Variants in CDH4 observed in about 807,000 individuals in gnomAD.
CDH4 encodes cadherin-4.
In CDH4, 33 loss-of-function variants were observed where a neutral mutation model predicts 86.0. The observed-to-expected ratio is 0.38, with a 90% CI of 0.29 to 0.51. The LOEUF is 0.51. Among genes scored for constraint, CDH4 ranks in the 20% least tolerant of loss-of-function variants. The pLI, the probability that CDH4 is intolerant of heterozygous loss-of-function variation, is 0.86. For synonymous variants in CDH4, 555 were observed against 549.4 expected, an observed-to-expected ratio of 1.01 and a Z score of -0.14; for missense variants, 1,114 against 1,307.4, an observed-to-expected ratio of 0.85 and a Z score of 2.28.
At chr20:61,846,630 TAAAG>T (rs938263130) in intron 5 of CDH4, among the ~76,000 whole-genome samples, 6 of 151,474 alleles carry the variant, frequency 4.0e-5, no homozygotes, top group African/African-American at 1.5e-4. Context: ...GAGACAGAAA[TAAAG>T]AGAGAGACTG....
At chr20:61,352,820 A>G (rs751498214) in intron 2 of CDH4, among the ~76,000 whole-genome samples, 6 of 151,738 alleles carry the variant, frequency 4.0e-5, no homozygotes, top group Non-Finnish European at 8.8e-5. Flanking sequence ...TGCTCTTCGG[A>G]GTTCTTCATC....
chr20:61,641,204 G>A (rs958964225), intron 2 of CDH4, among the ~76,000 whole-genome samples: 1 of 152,292 alleles, frequency 6.6e-6, no homozygotes, highest in East Asian at 1.9e-4. Flanking sequence ...GGAAAGCCTC[G>A]ATGTAGCTAT....
intron 2 of CDH4, among the ~76,000 whole-genome samples, chr20:61,272,081 A>G (rs1031357323): frequency 2.0e-5 from 3 of 152,254 alleles, no homozygotes; most frequent in African/African-American, 7.2e-5. Context: ...TCCTTTTACA[A>G]AAGAAGCCCC....
chr20:61,508,076 G>C (rs902110800), intron 2 of CDH4, among the ~76,000 whole-genome samples: 2 of 152,200 alleles, frequency 1.3e-5, no homozygotes. Flanking sequence ...AGTTTGCTGC[G>C]TGCATTTTCC....
intron 3 of CDH4, among the ~76,000 whole-genome samples, chr20:61,758,361 T>G (rs1168053509): frequency 6.6e-6 from 1 of 152,214 alleles, no homozygotes; most frequent in Non-Finnish European, 1.5e-5. Context: ...CTGTGGGATG[T>G]GTGCTCTGCC....
intron 4 of CDH4, among the ~76,000 whole-genome samples, chr20:61,841,103 G>A (rs13043228): frequency 0.4 from 61,155 of 152,090 alleles, 15,060 homozygotes; most frequent in Non-Finnish European, 0.56. Flanking sequence ...CCCGTCCCTG[G>A]CGCCCACCTC....
In CDH4 at chr20:61,477,197, G is replaced by A. The variant is rs148728014; in HGVS notation, c.169+222260G>A. ...TGGGCAGGGAAGCCACGCAGTGTGCGTGGAGGGCCAGCTCCTTGCACCATG... is the reference window on the plus strand; with the variant it reads ...TGGGCAGGGAAGCCACGCAGTGTGCATGGAGGGCCAGCTCCTTGCACCATG... On this transcript the variant is annotated intron_variant, in intron 2 of 15. Transcript: ENST00000614565. Among the ~76,000 whole-genome samples the A allele has an allele frequency of 9.7e-4, 148 of 152,332 alleles. 2 individuals are homozygous for A. The highest frequency in any genetic ancestry group is 3.4e-3 in the African/African-American group (141 of 41,584).
chr20:61,861,085 C>T (rs1237873961), intron 6 of CDH4, among the ~76,000 whole-genome samples: 1 of 152,206 alleles, frequency 6.6e-6, no homozygotes, highest in Admixed American at 6.5e-5. Flanking sequence ...GCTCACGCAC[C>T]CGCACCTGCC....
intron 2 of CDH4, among the ~76,000 whole-genome samples, chr20:61,668,291 TGACA>T (rs565882331): frequency 1.6e-4 from 24 of 152,324 alleles, no homozygotes; most frequent in African/African-American, 5.1e-4. Flanking sequence ...ATCCCTCTAT[TGACA>T]GACAGACACG....
chr20:61,648,070 C>T (rs1178710375), intron 2 of CDH4, among the ~76,000 whole-genome samples: 1 of 152,210 alleles, frequency 6.6e-6, no homozygotes, highest in Non-Finnish European at 1.5e-5. Context: ...GGCGTGGGCT[C>T]CAGCCACCTC....
intron 2 of CDH4, among the ~76,000 whole-genome samples, chr20:61,283,788 G>C (rs551070583): frequency 1.8e-4 from 28 of 152,340 alleles, no homozygotes; most frequent in African/African-American, 6.7e-4. Context: ...CAGAAGCTCT[G>C]TTACGTGGCC....
chr20:61,531,549 A>G (rs2085954043), intron 2 of CDH4, among the ~76,000 whole-genome samples: 1 of 152,028 alleles, frequency 6.6e-6, no homozygotes, highest in Non-Finnish European at 1.5e-5. Context: ...ATGAATTAAT[A>G]TGAAAGAGCC....
rs142021296 is a variant in CDH4 at position 61,825,272 on chromosome 20, G to A, written c.577-19396G>A. 6.0e-3 allele frequency among the ~76,000 whole-genome samples: 918 copies of A among 152,300 alleles called. 5 individuals carry two copies. The highest frequency in any genetic ancestry group is 0.015 in the South Asian group (71 of 4,820). On this transcript the variant is annotated intron_variant, in intron 4 of 15. Transcript: ENST00000614565. ...AAAATACAAAAAATTAGCCCCGCAT[G>A]GTGGTGTACGCCTGTAGTTCCAGCT... is the stretch of plus-strand genomic sequence containing the variant.
chr20:61,848,000 G>A lies in CDH4; in HGVS notation c.732+3177G>A, dbSNP rs935163223. 2.0e-5 allele frequency among the ~76,000 whole-genome samples: 3 copies of A among 152,316 alleles called. No individual in the cohort carries two copies. In the South Asian group the frequency reaches 6.2e-4, roughly 32 times the overall value. ...AGAAGGGACGGAACATCCAAACCAC[G>A]CCACACACCTCCATTCGTCTGTTTA... On this transcript the variant is annotated intron_variant, in intron 5 of 15. Coordinates refer to ENST00000614565, the MANE Select transcript of CDH4 (RefSeq NM_001794.5).
intron 2 of CDH4, among the ~76,000 whole-genome samples, chr20:61,423,409 G>T (rs1373949792): frequency 6.6e-6 from 1 of 152,150 alleles, no homozygotes; most frequent in Non-Finnish European, 1.5e-5. Context: ...ACCCAGACCT[G>T]TATGGGCAAG....
At chr20:61,300,058 G>A (rs2084377880) in intron 2 of CDH4, among the ~76,000 whole-genome samples, 1 of 152,140 alleles carries the variant, frequency 6.6e-6, no homozygotes, top group Non-Finnish European at 1.5e-5. Flanking sequence ...CAAACATGAA[G>A]AGACTCTTCT....
intron 2 of CDH4, among the ~76,000 whole-genome samples, chr20:61,514,233 G>A (rs954969485): frequency 3.3e-5 from 5 of 152,036 alleles, no homozygotes; most frequent in African/African-American, 1.2e-4. Context: ...TGGCTGCTGG[G>A]TATGACTTTC....
At chr20:61,458,729 G>T (rs749031712) in intron 2 of CDH4, among the ~76,000 whole-genome samples, 152 of 151,926 alleles carry the variant, frequency 1.0e-3, no homozygotes, top group Non-Finnish European at 1.8e-3. Flanking sequence ...CGGTGATGTG[G>T]TAGCAGTGGT....
chr20:61,542,859 G>C (rs1456880304), intron 2 of CDH4, among the ~76,000 whole-genome samples: 3 of 152,208 alleles, frequency 2.0e-5, no homozygotes, highest in African/African-American at 7.2e-5. Flanking sequence ...AATAGGCTGT[G>C]TGCACGCTAA....
Sources: allele counts gnomAD v4.1 joint callset (sites outside exome capture counted in the v4.1 genomes callset), GRCh38; gene constraint gnomAD v4.1.1; transcripts MANE v1.5; gene names NCBI Gene and HGNC (gene_info 2026-07-23, HGNC 2026-07-21).